XRN1: variants seen among roughly 807,000 people sequenced by gnomAD.
The protein encoded by XRN1 is 5'-3' exoribonuclease 1.
A neutral mutation model predicts 222.3 loss-of-function variants in XRN1; 67 were observed. That is an observed-to-expected ratio of 0.30 (90% CI 0.25 to 0.37). The LOEUF is 0.37. XRN1 is among the 10% of genes least tolerant of loss of function. XRN1 has a pLI of 1.00. For synonymous variants in XRN1, 643 were observed against 652.4 expected (o/e 0.99, Z 0.22); for missense variants, 1,707 against 2,000.2 (o/e 0.85, Z 2.80).
chr3:142,429,103 A>G (rs1241222820), intron 2 of XRN1, among the ~76,000 whole-genome samples: 1 of 151,978 alleles, frequency 6.6e-6, no homozygotes, highest in African/African-American at 2.4e-5. Flanking sequence ...GATAAATGAA[A>G]TAAGTTGAAG....
intron 27 of XRN1, among the ~76,000 whole-genome samples, chr3:142,366,336 A>T (rs911417548): frequency 3.3e-5 from 5 of 152,236 alleles, no homozygotes; most frequent in Non-Finnish European, 5.9e-5. Context: ...TCCAGGCTAT[A>T]GAATCCATAA....
intron 27 of XRN1, among the ~76,000 whole-genome samples, chr3:142,368,765 TAAAGAG>T (rs944422971): frequency 2.0e-5 from 3 of 152,224 alleles, no homozygotes; most frequent in African/African-American, 4.8e-5. Flanking sequence ...TATTTTTTCC[TAAAGAG>T]AAAAAGAGTC....
chr3:142,375,651 C>T, intron 25 of XRN1, 147 bp downstream of exon 25: 13 of 708,672 alleles, frequency 1.8e-5, no homozygotes, highest in South Asian at 6.1e-5. Flanking sequence ...TATGATATTC[C>T]ATGATGCAAA....
rs771015838 is a variant in XRN1, at chr3:142,417,256, C to T, written c.1347-27G>A. ...TGAAAATAGAATATTTTCATTATAA[C>T]ATATTTTCTGAAGACAGGCCCGTGT... On this transcript the variant is annotated intron_variant, in intron 12 of 40. Coordinates refer to ENST00000392981, the MANE Select transcript of XRN1 (RefSeq NM_001282857.2). 3.7e-6 allele frequency: 6 copies of T among 1,603,784 alleles called. No individual in the cohort carries two copies. The African/African-American group carries it at 8.0e-5, about 21-fold the overall frequency.
At chr3:142,336,515 G>C (rs1417067698) in intron 33 of XRN1, among the ~76,000 whole-genome samples, 2 of 151,624 alleles carry the variant, frequency 1.3e-5, no homozygotes, top group Admixed American at 1.3e-4. Flanking sequence ...GCAGGGGAAG[G>C]GGAATAGTGA....
At chr3:142,379,097 C>T (rs560315071) in intron 23 of XRN1, among the ~76,000 whole-genome samples, 25 of 147,378 alleles carry the variant, frequency 1.7e-4, no homozygotes, top group African/African-American at 5.5e-4. Flanking sequence ...CCCATCTCTA[C>T]TAAAAAAAAA....
intron 39 of XRN1, 100 bp from the exon 40 acceptor site, chr3:142,312,858 T>C (rs542871751): frequency 2.8e-4 from 355 of 1,281,608 alleles, no homozygotes; most frequent in South Asian, 3.7e-4. Flanking sequence ...GCTTTTTTTT[T>C]CCCCTTTGGC....
chr3:142,312,244 C>T (rs954284346), intron 40 of XRN1, among the ~76,000 whole-genome samples: 4 of 151,902 alleles, frequency 2.6e-5, no homozygotes, highest in Admixed American at 1.3e-4. Context: ...GCATGGGCTG[C>T]GTTCCAGCCT....
At chr3:142,349,906 A>G (rs1183842285) in intron 32 of XRN1, among the ~76,000 whole-genome samples, 4 of 152,222 alleles carry the variant, frequency 2.6e-5, no homozygotes, top group Non-Finnish European at 1.5e-5. Flanking sequence ...ATATCAAGTG[A>G]TTCTCAAGGA....
intron 37 of XRN1, among the ~76,000 whole-genome samples, chr3:142,324,500 G>A (rs888792956): frequency 2.0e-5 from 3 of 151,916 alleles, no homozygotes; most frequent in Non-Finnish European, 4.4e-5. Flanking sequence ...TATCGTTGTT[G>A]GACAATTGGG....
chr3:142,371,108 C>T, intron 26 of XRN1, 131 bp downstream of exon 26: 1 of 729,524 alleles, frequency 1.4e-6, no homozygotes, highest in East Asian at 2.8e-5. Flanking sequence ...TGCATTCGGG[C>T]AAGAGAGTAA....
chr3:142,398,352 T>C (rs1360441086), intron 19 of XRN1, among the ~76,000 whole-genome samples: 2 of 151,992 alleles, frequency 1.3e-5, no homozygotes, highest in East Asian at 3.9e-4. Context: ...ATATGAAGTA[T>C]GCATTATCTA....
intron 18 of XRN1, among the ~76,000 whole-genome samples, chr3:142,401,833 G>A (rs773482036): frequency 7.2e-5 from 11 of 152,134 alleles, no homozygotes; most frequent in South Asian, 2.1e-4. Flanking sequence ...CCAATCTACC[G>A]AAATGGAATT....
chr3:142,312,588 T>C lies in XRN1; in HGVS notation c.4782+10A>G. On this transcript the variant is annotated intron_variant, in intron 40 of 40. Coordinates refer to ENST00000392981, the MANE Select transcript of XRN1 (RefSeq NM_001282857.2). The stretch of plus-strand genomic sequence containing the variant: ...ACAAATAATTATCTTAAAAATATTA[T>C]TTTTCTTACCTGCAGAGGTATAAAC... 4 of 1,534,288 alleles carry C rather than the reference T, an allele frequency of 2.6e-6. 1 individual carries two copies. The South Asian group carries it at 3.8e-5, about 15-fold the overall frequency.
chr3:142,365,526 C>T (rs934135481), intron 27 of XRN1, among the ~76,000 whole-genome samples, 160 bp from the exon 28 acceptor site: 1 of 151,994 alleles, frequency 6.6e-6, no homozygotes, highest in African/African-American at 2.4e-5. Context: ...GAAATAAACA[C>T]ATATAAAATG....
chr3:142,421,256 G>A, intron 9 of XRN1, 103 bp from the exon 10 acceptor site: 1 of 1,167,998 alleles, frequency 8.6e-7, no homozygotes, highest in South Asian at 2.0e-5. Context: ...TAGGAAATTG[G>A]AGAATGTTAC....
chr3:142,370,479 T>C lies in XRN1; in HGVS notation c.3204+6A>G. 1.2e-6 allele frequency: 2 copies of C among 1,600,022 alleles called. No homozygotes were observed. Among genetic ancestry groups the C allele is most frequent in the South Asian group, 1.1e-5 (1 of 87,154 alleles). ...ATCAATAATCTTGGTTACTGAAAGT[T>C]AGTACCTTGCACTTTTCGACTTCTT... On this transcript the variant is annotated splice_donor_region_variant and intron_variant, in intron 27 of 40. Transcript: ENST00000392981.
chr3:142,421,510 G>C lies in XRN1; in HGVS notation c.1001C>G (p.Pro334Arg), dbSNP rs1392704960. Residue 334 changes from proline (P) to arginine (R), a missense_variant, in exon 9 of 41, where the codon CCT becomes CGT. Coordinates refer to ENST00000392981, the MANE Select transcript of XRN1 (RefSeq NM_001282857.2). ...TTTCACAAGGTATTTCTCAAATCGA[G>C]GTAAGTTGAGGTGCCCACTTTCATT... ...YINESGHLNL[P>R]RFEKYLVKLS... 6.2e-7 allele frequency: 1 copy of C among 1,608,992 alleles called. No individual in the cohort carries two copies. The highest frequency in any genetic ancestry group is 2.2e-5 in the East Asian group (1 of 44,550).
Position 142,414,205 on chromosome 3 carries a change from A to T in XRN1, c.1523T>A (p.Phe508Tyr). 1 of 1,613,994 alleles carries T rather than the reference A, an allele frequency of 6.2e-7. No individual in the cohort carries two copies. Among genetic ancestry groups the T allele is most frequent in the Non-Finnish European group, 8.5e-7 (1 of 1,179,932 alleles). The change falls in exon 14 of 41, where the codon TTT (phenylalanine) becomes TAT (tyrosine). Residue 508 changes from phenylalanine to tyrosine, a missense_variant. Around this residue, in one of 2 missense-constraint regions of XRN1, gnomAD observed 1,234 missense variants for 1,518.2 expected, o/e 0.81. Coordinates refer to ENST00000392981, the MANE Select transcript of XRN1 (RefSeq NM_001282857.2). ...AGCAAGAAGCTGTTCAAATGGCTTA[A>T]AAGGTTTTCCTAGTTCAAAATGGAT... Reference protein sequence around the residue: ...LKIHFELGKPFKPFEQLLAVL... With the variant: ...LKIHFELGKPYKPFEQLLAVL...
Sources: gnomAD v4.1 joint callset for allele counts (sites outside exome capture counted in the v4.1 genomes callset) on GRCh38, gnomAD v4.1.1 for gene constraint, gnomAD v4.1.1 regional missense constraint, MANE v1.5 for transcripts, NCBI Gene and HGNC (gene_info 2026-07-23, HGNC 2026-07-21) for gene names.